Variants in RGPD2 observed in about 807,000 individuals in gnomAD.
RGPD2 encodes RANBP2-like and GRIP domain-containing protein 2.
Under a neutral mutation model 36.0 loss-of-function variants are expected in RGPD2, and 2 were observed. That is an observed-to-expected ratio of 0.06 (90% CI 0.02 to 0.17). RGPD2 has a LOEUF of 0.17. RGPD2 is among the 10% of genes least tolerant of loss of function. The pLI is 1.00. For synonymous variants in RGPD2, 19 were observed against 163.8 expected, an observed-to-expected ratio of 0.12 and a Z score of 6.75; for missense variants, 40 against 464.3, an observed-to-expected ratio of 0.09 and a Z score of 8.40.
At chr2:87,877,271 C>G in the RGPD2 span, among the ~76,000 whole-genome samples, 1 of 151,988 alleles carries the variant, frequency 6.6e-6, no homozygotes, top group East Asian at 1.9e-4. Flanking sequence ...ATTTTGCAGA[C>G]TTGTTTATGT....
the RGPD2 span, among the ~76,000 whole-genome samples, chr2:87,964,803 T>TTTTA: frequency 4.0e-4 from 32 of 79,778 alleles, no homozygotes; most frequent in African/African-American, 8.9e-4. Context: ...AAGGAATTCT[T>TTTTA]TTTATTTATT....
the RGPD2 span, among the ~76,000 whole-genome samples, chr2:87,857,244 CAAAT>C: frequency 6.6e-6 from 1 of 152,150 alleles, no homozygotes; most frequent in Non-Finnish European, 1.5e-5. Flanking sequence ...AGATTATAGA[CAAAT>C]TAATATCCAC....
chr2:87,825,521 C>CGT (rs1686730551), intron 1 of RGPD2, 137 bp downstream of exon 1: 1 of 465,296 alleles, frequency 2.1e-6, no homozygotes, highest in African/African-American at 3.8e-5. Context: ...AGGCCGCCGC[C>CGT]CGGCCGAGGC....
the RGPD2 span, among the ~76,000 whole-genome samples, chr2:87,957,249 T>C: frequency 2.9e-5 from 4 of 138,918 alleles, no homozygotes; most frequent in Non-Finnish European, 4.6e-5. Flanking sequence ...GGGGGGGCTC[T>C]CATTATGAGA....
the RGPD2 span, among the ~76,000 whole-genome samples, chr2:87,842,193 T>C: frequency 1.3e-5 from 2 of 152,036 alleles, no homozygotes; most frequent in Non-Finnish European, 1.5e-5. Flanking sequence ...CAACATAGTG[T>C]TGGAAGTTGT....
At chr2:87,903,423 C>G in the RGPD2 span, among the ~76,000 whole-genome samples, 6 of 152,376 alleles carry the variant, frequency 3.9e-5, no homozygotes, top group South Asian at 1.2e-3. Flanking sequence ...TTACTCGTCT[C>G]TAGGCCACCC....
chr2:87,825,825 G>T (rs1230411408), upstream of RGPD2: 6 of 1,422,432 alleles, frequency 4.2e-6, no homozygotes, highest in East Asian at 1.1e-4. Flanking sequence ...AGCCACTGAC[G>T]TAGCCGGCGG....
the RGPD2 span, among the ~76,000 whole-genome samples, chr2:87,877,449 C>T: frequency 1.3e-5 from 2 of 152,320 alleles, no homozygotes; most frequent in African/African-American, 2.4e-5. Context: ...CTTATTTCTC[C>T]TTCACTTATG....
At chr2:87,974,311 A>G in the RGPD2 span, among the ~76,000 whole-genome samples, 2 of 146,234 alleles carry the variant, frequency 1.4e-5, no homozygotes, top group Middle Eastern at 6.8e-3. Context: ...TCAAATACAG[A>G]TATTTTAAGA....
At chr2:87,894,719 C>T in the RGPD2 span, among the ~76,000 whole-genome samples, 1 of 142,984 alleles carries the variant, frequency 7.0e-6, no homozygotes, top group East Asian at 2.0e-4. Context: ...GCGTCGTATA[C>T]TCATACCTCC....
chr2:87,936,244 T>C, the RGPD2 span, among the ~76,000 whole-genome samples: 165 of 151,820 alleles, frequency 1.1e-3, no homozygotes, highest in African/African-American at 3.8e-3. Context: ...ATATGAATGT[T>C]AAAATCGCTG....
At chr2:87,972,655 T>C in the RGPD2 span, 2 of 1,461,954 alleles carry the variant, frequency 1.4e-6, no homozygotes, top group Non-Finnish European at 1.8e-6. Flanking sequence ...TAGGTGGAGG[T>C]ATGGCTCGGG....
intron 1 of RGPD2, among the ~76,000 whole-genome samples, chr2:87,824,760 C>CGCCGCCGCCCGGCCAGGCCGAG (rs1558738364): frequency 8.1e-6 from 1 of 122,942 alleles, no homozygotes; most frequent in Non-Finnish European, 1.7e-5. Flanking sequence ...CCGCCGCCGC[C>CGCCGCCGCCCGGCCAGGCCGAG]GCCGCCGCCC....
At chr2:87,905,184 A>C in the RGPD2 span, among the ~76,000 whole-genome samples, 1 of 152,248 alleles carries the variant, frequency 6.6e-6, no homozygotes, top group African/African-American at 2.4e-5. Context: ...ATCTGCGTGG[A>C]GGACAAAATT....
chr2:87,988,541 A>ATTT, the RGPD2 span, among the ~76,000 whole-genome samples: 35 of 54,138 alleles, frequency 6.5e-4, no homozygotes, highest in South Asian at 2.2e-3. Context: ...ATATATATAT[A>ATTT]TTTTTTTTTT....
At chr2:87,964,477 A>G in the RGPD2 span, among the ~76,000 whole-genome samples, 1 of 152,140 alleles carries the variant, frequency 6.6e-6, no homozygotes, top group Non-Finnish European at 1.5e-5. Flanking sequence ...CTTCACAGAT[A>G]CTATGTTTTT....
the RGPD2 span, among the ~76,000 whole-genome samples, chr2:87,861,542 T>C: frequency 2.0e-5 from 3 of 152,172 alleles, no homozygotes; most frequent in African/African-American, 7.2e-5. Flanking sequence ...TTGGTTATCA[T>C]CTCCTTTGCT....
chr2:87,939,213 A>G, the RGPD2 span, among the ~76,000 whole-genome samples: 5 of 151,450 alleles, frequency 3.3e-5, no homozygotes, highest in African/African-American at 1.2e-4. Context: ...TAACGATACA[A>G]GTAAGCTTAA....
the RGPD2 span, among the ~76,000 whole-genome samples, chr2:87,842,063 A>G: frequency 2.0e-5 from 3 of 151,766 alleles, no homozygotes; most frequent in South Asian, 4.2e-4. Context: ...TGTATCTCAA[A>G]ATAATAAGAG....
Sources: allele counts gnomAD v4.1 joint callset (sites outside exome capture counted in the v4.1 genomes callset), GRCh38; gene constraint gnomAD v4.1.1; transcripts MANE v1.5; gene names NCBI Gene and HGNC (gene_info 2026-07-23, HGNC 2026-07-21).